The following SYT1 variants were observed in gnomAD, a reference collection of about 807,000 sequenced individuals.
SYT1 encodes the protein synaptotagmin-1.
A neutral mutation model predicts 44.8 loss-of-function variants in SYT1; 8 were observed. The ratio of observed to expected loss-of-function variants is 0.18; its 90% CI spans 0.10 to 0.32. SYT1 has a LOEUF of 0.32. SYT1 is among the 10% of genes least tolerant of loss of function. The pLI is 1.00. For missense variants in SYT1, 286 were observed against 509.3 expected (o/e 0.56, Z 4.22); for synonymous variants, 154 against 188.8 (o/e 0.82, Z 1.51).
chr12:79,300,410 A>T (rs1479517445), intron 8 of SYT1, among the ~76,000 whole-genome samples: 1 of 151,988 alleles, frequency 6.6e-6, no homozygotes, highest in East Asian at 1.9e-4. Flanking sequence ...GTCATTTAGG[A>T]TCTCCAGGTC....
At chr12:79,058,279 T>C (rs1875114767) in intron 3 of SYT1, among the ~76,000 whole-genome samples, 1 of 152,108 alleles carries the variant, frequency 6.6e-6, no homozygotes, top group African/African-American at 2.4e-5. Flanking sequence ...CAGCTTATGC[T>C]AAATGACAAT....
chr12:79,411,300 G>A (rs185519865), intron 9 of SYT1, among the ~76,000 whole-genome samples: 2 of 152,266 alleles, frequency 1.3e-5, no homozygotes, highest in Admixed American at 1.3e-4. Flanking sequence ...TTTACTGAAA[G>A]TCCCACATAG....
At chr12:79,050,622 G>C (rs978874902) in intron 3 of SYT1, among the ~76,000 whole-genome samples, 5 of 151,926 alleles carry the variant, frequency 3.3e-5, no homozygotes, top group African/African-American at 1.2e-4. Flanking sequence ...TAATAAAACT[G>C]GGAGTTGATA....
chr12:79,296,875 C>T (rs1402181830), intron 7 of SYT1, among the ~76,000 whole-genome samples: 1 of 151,806 alleles, frequency 6.6e-6, no homozygotes, highest in Non-Finnish European at 1.5e-5. Flanking sequence ...CTGCAGGTCT[C>T]CAGGATCTTC....
intron 8 of SYT1, among the ~76,000 whole-genome samples, chr12:79,351,517 A>G (rs996467020): frequency 5.3e-5 from 8 of 152,008 alleles, no homozygotes; most frequent in Non-Finnish European, 1.0e-4. Context: ...GCTATTGTGG[A>G]AAATAGACAG....
chr12:79,227,216 A>T (rs183848193), intron 4 of SYT1, among the ~76,000 whole-genome samples: 151 of 152,148 alleles, frequency 9.9e-4, no homozygotes, highest in African/African-American at 1.5e-3. Flanking sequence ...TAATTTTTTT[A>T]AATTAAGGCT....
At position 79,450,378 on chromosome 12, in the gene SYT1, T is replaced by C. The variant is rs1423643942; in HGVS notation, c.*1254T>C. ...TAGTGATCTTTTTATATGCTCTTTT[T>C]ACTTAAGTTTTAATTTGTCCTTTAA... On this transcript the variant is annotated 3_prime_UTR_variant, in exon 11 of 11. Coordinates refer to ENST00000261205, the MANE Select transcript of SYT1 (RefSeq NM_005639.3). The C allele has an allele frequency of 6.6e-6, 1 of 152,650 alleles. No homozygotes were observed. 9.5% of individuals were successfully genotyped at this position (152,650 alleles called of 1,614,324 possible). A position where few individuals can be genotyped will look rare whatever the true frequency, so the allele number is the denominator to read the frequency against.
intron 2 of SYT1, among the ~76,000 whole-genome samples, chr12:78,989,269 T>C (rs1869859065): frequency 6.6e-6 from 1 of 152,116 alleles, no homozygotes; most frequent in Non-Finnish European, 1.5e-5. Context: ...GGAATGAAGA[T>C]ATCAAATTAG....
At chr12:79,127,636 A>G (rs1181268632) in intron 3 of SYT1, among the ~76,000 whole-genome samples, 2 of 152,136 alleles carry the variant, frequency 1.3e-5, no homozygotes, top group African/African-American at 4.8e-5. Flanking sequence ...CATGAAAATG[A>G]CTATCACATA....
chr12:79,208,492 C>G (rs1448324069), intron 3 of SYT1, among the ~76,000 whole-genome samples: 3 of 151,954 alleles, frequency 2.0e-5, no homozygotes, highest in Non-Finnish European at 2.9e-5. Flanking sequence ...AAAGTTAAGA[C>G]CAAGGAAGGG....
intron 1 of SYT1, among the ~76,000 whole-genome samples, chr12:78,924,148 G>A (rs1947700036): frequency 6.6e-6 from 1 of 151,910 alleles, no homozygotes. Flanking sequence ...CCACAGAAGT[G>A]ATGATGTGTC....
intron 2 of SYT1, among the ~76,000 whole-genome samples, chr12:79,011,765 G>T (rs917844119): frequency 1.3e-5 from 2 of 151,784 alleles, no homozygotes; most frequent in East Asian, 3.9e-4. Flanking sequence ...AGCTCCCTGG[G>T]TGTTTCATAT....
chr12:79,026,702 T>TATATAA (rs34140383), intron 2 of SYT1, among the ~76,000 whole-genome samples: 1 of 125,328 alleles, frequency 8.0e-6, no homozygotes, highest in African/African-American at 3.0e-5. Context: ...TATATATATA[T>TATATAA]CACACTTTCA....
chr12:79,179,115 GATATAGATATAGAT>G (rs1374643977), intron 3 of SYT1, among the ~76,000 whole-genome samples: 10 of 122,790 alleles, frequency 8.1e-5, no homozygotes, highest in African/African-American at 3.0e-4. Context: ...TATAGATATA[GATATAGATATAGAT>G]ATATAGATAT....
At chr12:79,310,461 G>A (rs1880718737) in intron 8 of SYT1, among the ~76,000 whole-genome samples, 1 of 152,164 alleles carries the variant, frequency 6.6e-6, no homozygotes, top group Non-Finnish European at 1.5e-5. Flanking sequence ...GATTCCTCCA[G>A]CTTTGTTCTT....
chr12:79,024,568 T>G (rs1387325123), intron 2 of SYT1, among the ~76,000 whole-genome samples: 1 of 151,818 alleles, frequency 6.6e-6, no homozygotes, highest in Non-Finnish European at 1.5e-5. Context: ...CAACACTCAT[T>G]CATTCAACAA....
intron 9 of SYT1, among the ~76,000 whole-genome samples, chr12:79,406,098 A>T (rs1025595729): frequency 6.6e-6 from 1 of 152,170 alleles, no homozygotes; most frequent in East Asian, 1.9e-4. Context: ...GACCAAGTGG[A>T]GCATTGCTAA....
intron 3 of SYT1, among the ~76,000 whole-genome samples, chr12:79,081,370 T>A (rs1877019309): frequency 6.6e-6 from 1 of 151,210 alleles, no homozygotes; most frequent in Non-Finnish European, 1.5e-5. Flanking sequence ...CACTGTTATG[T>A]CACACAAATT....
chr12:78,876,890 ATATATAT>A (rs1158270863), intron 1 of SYT1, among the ~76,000 whole-genome samples: 7 of 39,526 alleles, frequency 1.8e-4, no homozygotes, highest in African/African-American at 3.6e-4. Flanking sequence ...ATTATATATA[ATATATAT>A]TATATATTAT....
Sources: gnomAD v4.1 joint callset for allele counts (sites outside exome capture counted in the v4.1 genomes callset) on GRCh38, gnomAD v4.1.1 for gene constraint, MANE v1.5 for transcripts, NCBI Gene and HGNC (gene_info 2026-07-23, HGNC 2026-07-21) for gene names.